The following ZNF500 variants were observed in gnomAD, a reference collection of about 807,000 sequenced individuals.
The protein encoded by ZNF500 is zinc finger protein 500.
A neutral mutation model predicts 30.1 loss-of-function variants in ZNF500; 31 were observed. The observed-to-expected ratio is 1.03, with a 90% CI of 0.77 to 1.39. The LOEUF (loss-of-function observed/expected upper bound fraction) is 1.39, where lower values mean the gene tolerates loss of function less well. Ranked by LOEUF, ZNF500 falls within the 40% of genes most tolerant of loss-of-function variation. ZNF500 has a pLI of 0.00. For missense variants in ZNF500, 817 were observed against 657.8 expected, an observed-to-expected ratio of 1.24 and a Z score of -2.65; for synonymous variants, 392 against 282.0, an observed-to-expected ratio of 1.39 and a Z score of -3.91.
chr16:4,746,694 C>T, downstream of ZNF500: 1 of 888,860 alleles, frequency 1.1e-6, no homozygotes, highest in Non-Finnish European at 1.7e-6. Flanking sequence ...GGAAGAGGGG[C>T]ATGAGGCACA....
At position 4,751,863 on chromosome 16, in the gene ZNF500, A is replaced by C; in HGVS notation, c.*513T>G. 1 of 348,370 alleles carries C rather than the reference A, an allele frequency of 2.9e-6. No homozygotes were observed. Among genetic ancestry groups the C allele is most frequent in the African/African-American group, 2.3e-5 (1 of 42,982 alleles). The allele number at this position is 348,370 out of a possible 1,614,324, so 21.6% of individuals were successfully genotyped here. A position where few individuals can be genotyped will look rare whatever the true frequency, so the allele number is the denominator to read the frequency against. On this transcript the variant is annotated 3_prime_UTR_variant, in exon 6 of 6. Coordinates refer to ENST00000219478, the MANE Select transcript of ZNF500 (RefSeq NM_021646.4). ...TTCGAGGCTGCAGTGAGCTATGATC[A>C]TGGCACTGTATTCCCGCCTGGGGGA...
chr16:4,751,273 A>C lies in ZNF500; in HGVS notation c.*1103T>G, dbSNP rs2082074729. The C allele has an allele frequency of 5.8e-6, 2 of 347,008 alleles. No individual in the cohort carries two copies. The highest frequency in any genetic ancestry group is 8.9e-5 in the Admixed American group (2 of 22,488). The allele number at this position is 347,008 out of a possible 1,614,324, so 21.5% of individuals were successfully genotyped here. A position where few individuals can be genotyped will look rare whatever the true frequency, so the allele number is the denominator to read the frequency against. ...GCTCCCACGCAGCACAGGCCAGACA[A>C]AAGCTGGAAGGTGAAGGCTTCTTAC... is the stretch of plus-strand genomic sequence containing the variant. On this transcript the variant is annotated 3_prime_UTR_variant, in exon 6 of 6. Transcript: ENST00000219478.
intron 2 of ZNF500, chr16:4,764,067 T>A (rs2082236189): frequency 1.0e-5 from 10 of 985,430 alleles, no homozygotes; most frequent in Non-Finnish European, 1.2e-5. Flanking sequence ...AGAGGCTTCC[T>A]CTACTCCTTC....
rs567823920 is a variant in ZNF500, at chr16:4,752,537, G to A, written c.1282C>T (p.Arg428Cys). 1.5e-5 allele frequency: 23 copies of A among 1,566,368 alleles called. No homozygotes were observed. Among genetic ancestry groups the A allele is most frequent in the African/African-American group, 4.1e-5 (3 of 73,790 alleles). ...GGCTTCTCACCTGTGTGCGTCCGGCGGTGGGCGCTGAAGTGCGAGCTGTTG... is the reference window on the plus strand; with the variant it reads ...GGCTTCTCACCTGTGTGCGTCCGGCAGTGGGCGCTGAAGTGCGAGCTGTTG... Reference protein sequence around the residue: ...FNNSSHFSAHRRTHTGEKPYT... With the variant: ...FNNSSHFSAHCRTHTGEKPYT... Residue 428 changes from arginine (R) to cysteine (C), a missense_variant, in exon 6 of 6, where the codon CGC (arginine) becomes TGC (cysteine). Coordinates refer to ENST00000219478, the MANE Select transcript of ZNF500 (RefSeq NM_021646.4).
chr16:4,758,484 T>C (rs2082162224), intron 5 of ZNF500: 1 of 152,216 alleles, frequency 6.6e-6, no homozygotes, highest in African/African-American at 2.4e-5. Context: ...CCACAGGTAA[T>C]GTGCGCTCAG....
chr16:4,756,769 GCCTCCC>G (rs2082139344), intron 5 of ZNF500: 1 of 152,034 alleles, frequency 6.6e-6, no homozygotes, highest in African/African-American at 2.4e-5. Context: ...ACCCGCCTTG[GCCTCCC>G]AAAGTGCTGG....
intron 5 of ZNF500, chr16:4,753,276 C>T (rs989528081): frequency 2.6e-5 from 22 of 854,802 alleles, no homozygotes; most frequent in African/African-American, 1.4e-4. Context: ...GCTTGGGCAA[C>T]GCAGTGAGAT....
Position 4,749,832 on chromosome 16 carries a change from G to C in ZNF500, c.*2544C>G, listed in dbSNP as rs1311311585. On this transcript the variant is annotated 3_prime_UTR_variant, in exon 6 of 6. Coordinates refer to ENST00000219478, the MANE Select transcript of ZNF500 (RefSeq NM_021646.4). Reference sequence around the variant, plus strand: ...GTCTCAAAACAAAACAAAAAAAGGAGACTAATGGGAGTCCCCCCTCACTGG... The same window carrying C: ...GTCTCAAAACAAAACAAAAAAAGGACACTAATGGGAGTCCCCCCTCACTGG... The C allele has an allele frequency of 6.6e-6, 1 of 152,098 alleles. No individual in the cohort carries two copies. The highest frequency in any genetic ancestry group is 2.4e-5 in the African/African-American group (1 of 41,402). The allele number at this position is 152,098 out of a possible 1,614,324, so 9.4% of individuals were successfully genotyped here. A position where few individuals can be genotyped will look rare whatever the true frequency, so the allele number is the denominator to read the frequency against.
At chr16:4,762,398 T>A in intron 3 of ZNF500, 63 bp from the exon 4 acceptor site, 1 of 1,546,892 alleles carries the variant, frequency 6.5e-7, no homozygotes, top group Non-Finnish European at 8.7e-7. Context: ...TGCCGTCCCC[T>A]GCACACCAAG....
chr16:4,764,188 G>A (rs1283700078), intron 2 of ZNF500: 2 of 642,570 alleles, frequency 3.1e-6, no homozygotes, highest in Non-Finnish European at 1.9e-6. Flanking sequence ...TGTGACGACT[G>A]AGCCCTTGAG....
At chr16:4,747,471 G>C (rs554554378), downstream of ZNF500, 1 of 1,613,158 alleles carries the variant, frequency 6.2e-7, no homozygotes, top group East Asian at 2.2e-5. Flanking sequence ...GACACAGCTG[G>C]ATCACGAACT....
intron 2 of ZNF500, chr16:4,763,627 C>T (rs2082231761): frequency 2.0e-6 from 2 of 985,264 alleles, no homozygotes; most frequent in South Asian, 4.7e-5. Flanking sequence ...GGAGCGTAGT[C>T]CCCTTGGGGA....
chr16:4,746,448 G>C, downstream of ZNF500: 4 of 1,613,730 alleles, frequency 2.5e-6, no homozygotes, highest in Non-Finnish European at 3.4e-6. Flanking sequence ...GCTTAACGCA[G>C]AGTCCCCCAC....
chr16:4,762,967 A>G lies in ZNF500; in HGVS notation c.415-211T>C, dbSNP rs117080597. The G allele has an allele frequency of 8.9e-4, 879 of 985,334 alleles. 2 individuals carry two copies. Among genetic ancestry groups the G allele is most frequent in the Non-Finnish European group, 1.0e-3 (829 of 829,908 alleles). 61.0% of individuals were successfully genotyped at this position (985,334 alleles called of 1,614,324 possible). A position where few individuals can be genotyped will look rare whatever the true frequency, so the allele number is the denominator to read the frequency against. On this transcript the variant is annotated intron_variant, in intron 2 of 5. Transcript: ENST00000219478. The stretch of plus-strand genomic sequence containing the variant: ...TCCATGGTCTCTCCCTGTCACCACA[A>G]TCGTTTCCCCATCACATTCTTACCC...
chr16:4,753,986 G>A (rs2082111209), intron 5 of ZNF500, among the ~76,000 whole-genome samples: 1 of 152,362 alleles, frequency 6.6e-6, no homozygotes, highest in South Asian at 2.1e-4. Flanking sequence ...AGAACAGGGA[G>A]AGGGGCCTGG....
chr16:4,744,981 AG>A, downstream of ZNF500: 1 of 1,613,804 alleles, frequency 6.2e-7, no homozygotes, highest in Non-Finnish European at 8.5e-7. Flanking sequence ...GACACTCCCC[AG>A]GACACCAAAG....
At chr16:4,761,163 G>A (rs1193348202) in intron 4 of ZNF500, among the ~76,000 whole-genome samples, 14 of 152,098 alleles carry the variant, frequency 9.2e-5, no homozygotes, top group African/African-American at 2.2e-4. Flanking sequence ...TCGGCCGGGC[G>A]CGGTGGCTCA....
rs1217384387 is a variant in ZNF500 at position 4,760,581 on chromosome 16, AC to A, written c.670del (p.Val224Ter). On this transcript the variant is annotated frameshift_variant, in exon 5 of 6. Transcript: ENST00000219478. LOFTEE classifies it high-confidence loss of function. The part of the protein sequence containing the change: ...PFLSAWSQVP[V>X]NLEDVAVYLS... Reference sequence around the variant, plus strand: ...GTATACAGCCACGTCCTCCAAGTTCACGGGCACCTGCCAGAACGCACCCCAC... The same window carrying A: ...GTATACAGCCACGTCCTCCAAGTTCAGGGCACCTGCCAGAACGCACCCCAC... The A allele has an allele frequency of 6.2e-7, 1 of 1,613,070 alleles. No homozygotes were observed. Among genetic ancestry groups the A allele is most frequent in the South Asian group, 1.1e-5 (1 of 90,812 alleles).
chr16:4,750,351 C>T lies in ZNF500; in HGVS notation c.*2025G>A, dbSNP rs2082065697. The T allele has an allele frequency of 6.6e-6, 1 of 152,294 alleles. No individual in the cohort carries two copies. Among genetic ancestry groups the T allele is most frequent in the African/African-American group, 2.4e-5 (1 of 41,462 alleles). The allele number at this position is 152,294 out of a possible 1,614,324, so 9.4% of individuals were successfully genotyped here. ...AAAAAATTGTTTATTTTATCTGAGACAGGATCTCACTCTGTCTTCCAGGAT... is the reference window on the plus strand; with the variant it reads ...AAAAAATTGTTTATTTTATCTGAGATAGGATCTCACTCTGTCTTCCAGGAT... On this transcript the variant is annotated 3_prime_UTR_variant, in exon 6 of 6. Coordinates refer to ENST00000219478, the MANE Select transcript of ZNF500 (RefSeq NM_021646.4).
Sources: allele counts gnomAD v4.1 joint callset (sites outside exome capture counted in the v4.1 genomes callset), GRCh38; gene constraint gnomAD v4.1.1; transcripts MANE v1.5; gene names NCBI Gene and HGNC (gene_info 2026-07-23, HGNC 2026-07-21).